ALDH1A3: variants seen among roughly 807,000 people sequenced by gnomAD.
The protein encoded by ALDH1A3 is aldehyde dehydrogenase 1 family member A3.
ALDH1A3 carries 28 observed loss-of-function variants against 57.5 expected under a neutral mutation model. The ratio of observed to expected loss-of-function variants is 0.49; its 90% CI spans 0.36 to 0.67. The LOEUF is 0.67. Among genes scored for constraint, ALDH1A3 ranks in the 30% least tolerant of loss-of-function variants. The pLI is 0.00. For missense variants in ALDH1A3, 507 were observed against 669.4 expected, an observed-to-expected ratio of 0.76 and a Z score of 2.68; for synonymous variants, 281 against 264.8, an observed-to-expected ratio of 1.06 and a Z score of -0.59.
intron 3 of ALDH1A3, among the ~76,000 whole-genome samples, chr15:100,890,398 C>T (rs950364726): frequency 1.3e-5 from 2 of 152,164 alleles, no homozygotes; most frequent in African/African-American, 4.8e-5. Flanking sequence ...TGGACTCACT[C>T]ACCTGCATAA....
intron 9 of ALDH1A3, among the ~76,000 whole-genome samples, chr15:100,901,868 C>T (rs761321338): frequency 6.6e-6 from 1 of 152,174 alleles, no homozygotes; most frequent in Non-Finnish European, 1.5e-5. Flanking sequence ...TCAGTGCCCA[C>T]CCTCCACTGG....
In ALDH1A3 at chr15:100,893,377, GC is replaced by G. The variant is rs1306775705; in HGVS notation, c.537+372del. The G allele has an allele frequency of 5.2e-6, 1 of 192,172 alleles. No homozygotes were observed. Among genetic ancestry groups the G allele is most frequent in the Non-Finnish European group, 1.1e-5 (1 of 94,234 alleles). 11.9% of individuals were successfully genotyped at this position (192,172 alleles called of 1,614,324 possible). On this transcript the variant is annotated intron_variant, in intron 5 of 12. Coordinates refer to ENST00000329841, the MANE Select transcript of ALDH1A3 (RefSeq NM_000693.4). The surrounding 1 kb of genome is among the most constrained non-coding windows in gnomAD (Gnocchi z 4.8). ...TAGGCAAAAGTGCAGAGGTGGCTGG[GC>G]TACTTGGAAGGGAACAGCAGGAAAG...
At chr15:100,910,968 C>A (rs949747536) in intron 12 of ALDH1A3, among the ~76,000 whole-genome samples, 1 of 152,230 alleles carries the variant, frequency 6.6e-6, no homozygotes, top group African/African-American at 2.4e-5. Flanking sequence ...CTCCTTAACA[C>A]CCCCTCGCCT....
intron 4 of ALDH1A3, 38 bp from the exon 5 acceptor site, chr15:100,892,907 G>C: frequency 6.2e-7 from 1 of 1,606,670 alleles, no homozygotes; most frequent in Non-Finnish European, 8.5e-7. Context: ...CCTGGACTAA[G>C]TGAGTGTGTC....
intron 11 of ALDH1A3, 127 bp downstream of exon 11, chr15:100,907,405 T>C (rs1375122742): frequency 2.7e-5 from 30 of 1,103,126 alleles, no homozygotes; most frequent in Non-Finnish European, 3.5e-5. Context: ...GTCTCAGTGC[T>C]TCCTTCCATC....
At chr15:100,896,847 A>G (rs1011643052) in intron 7 of ALDH1A3, among the ~76,000 whole-genome samples, 14 of 152,220 alleles carry the variant, frequency 9.2e-5, no homozygotes, top group African/African-American at 3.4e-4. Flanking sequence ...AAAACAGCAA[A>G]CGGTAGAAAA....
Position 100,893,089 on chromosome 15 carries a change from G to C in ALDH1A3, c.537+83G>C. On this transcript the variant is annotated intron_variant, in intron 5 of 12. Coordinates refer to ENST00000329841, the MANE Select transcript of ALDH1A3 (RefSeq NM_000693.4). This position sits in a 1 kb window ranked among gnomAD's most constrained non-coding sequence, Gnocchi z 4.8. ...GTCCTTTGGAATCAATTTCTGGTGTGTTTTTATCTGATTGCACCAGCGTTG... is the reference window on the plus strand; with the variant it reads ...GTCCTTTGGAATCAATTTCTGGTGTCTTTTTATCTGATTGCACCAGCGTTG... The C allele has an allele frequency of 7.8e-7, 1 of 1,286,874 alleles. No homozygotes were observed. Among genetic ancestry groups the C allele is most frequent in the Non-Finnish European group, 1.1e-6 (1 of 914,712 alleles). The allele number at this position is 1,286,874 out of a possible 1,614,324, so 79.7% of individuals were successfully genotyped here. A position where few individuals can be genotyped will look rare whatever the true frequency, so the allele number is the denominator to read the frequency against.
At chr15:100,908,537 A>G (rs1329839120) in intron 12 of ALDH1A3, 55 bp downstream of exon 12, 33 of 1,487,450 alleles carry the variant, frequency 2.2e-5, no homozygotes, top group Non-Finnish European at 2.4e-5. Context: ...GATCCACTAG[A>G]TTTGCAGGCA....
At chr15:100,885,116 C>G (rs934359730) in intron 1 of ALDH1A3, 151 bp from the exon 2 acceptor site, 1 of 611,038 alleles carries the variant, frequency 1.6e-6, no homozygotes. Context: ...TGTTCCCCTC[C>G]GGGTCTCATC....
At chr15:100,907,036 CAT>C (rs2041829279) in intron 10 of ALDH1A3, 83 bp from the exon 11 acceptor site, 1 of 1,474,634 alleles carries the variant, frequency 6.8e-7, no homozygotes. Context: ...ATATGAAAAA[CAT>C]GTAAAGAGAA....
Position 100,894,362 on chromosome 15 carries a change from T to C in ALDH1A3, c.666+280T>C, listed in dbSNP as rs2041679618. ...GACCCAGTGGTTTGTCTAGAGAATT[T>C]TCAGGGGGGGTCAACCAAGAGGGAG... On this transcript the variant is annotated intron_variant, in intron 6 of 12. Transcript: ENST00000329841. This position sits in a 1 kb window ranked among gnomAD's most constrained non-coding sequence, Gnocchi z 4.5. The C allele has an allele frequency of 3.6e-6, 1 of 279,868 alleles. No homozygotes were observed. Among genetic ancestry groups the C allele is most frequent in the African/African-American group, 2.2e-5 (1 of 46,150 alleles). The allele number at this position is 279,868 out of a possible 1,614,324, so 17.3% of individuals were successfully genotyped here.
intron 3 of ALDH1A3, among the ~76,000 whole-genome samples, chr15:100,891,577 G>A (rs2041650486): frequency 6.6e-6 from 1 of 152,266 alleles, no homozygotes; most frequent in Non-Finnish European, 1.5e-5. Context: ...ATGCAGTCAT[G>A]GAGCTCAAAG....
rs550630602 is a variant in ALDH1A3 at position 100,915,191 on chromosome 15, C to A, written c.*418C>A. The A allele has an allele frequency of 5.4e-6, 1 of 185,500 alleles. No homozygotes were observed. The highest frequency in any genetic ancestry group is 1.1e-5 in the Non-Finnish European group (1 of 87,032). The allele number at this position is 185,500 out of a possible 1,614,324, so 11.5% of individuals were successfully genotyped here. On this transcript the variant is annotated 3_prime_UTR_variant, in exon 13 of 13. Transcript: ENST00000329841. ...CAAGCAGGGCTCTTGCACCAGCGGT[C>A]TCCTCAGGGTGGACCTGCTTACAGA...
In ALDH1A3 at chr15:100,896,012, A is replaced by G. The variant is rs542329656; in HGVS notation, c.746A>G (p.Gln249Arg). The G allele has an allele frequency of 3.1e-6, 5 of 1,612,848 alleles. No homozygotes were observed. The highest frequency in any genetic ancestry group is 1.3e-5 in the African/African-American group (1 of 75,026). ...GGAGCAGCAATTTCTTCTCACCCTC[A>G]GATCAACAAGATCGCCTTCACCGGC... ...TVGAAISSHP[Q>R]INKIAFTGST... Residue 249 changes from glutamine (Q) to arginine (R), a missense_variant, in exon 7 of 13, where the codon CAG becomes CGG. Gln to Arg is a conservative substitution (Grantham distance 43, BLOSUM62 1). This residue lies in a region of ALDH1A3 where 432 missense variants were observed against 608.4 expected (regional missense o/e 0.71). Coordinates refer to ENST00000329841, the MANE Select transcript of ALDH1A3 (RefSeq NM_000693.4).
At chr15:100,905,449 G>A (rs2041812708) in intron 9 of ALDH1A3, 74 bp from the exon 10 acceptor site, 12 of 1,573,576 alleles carry the variant, frequency 7.6e-6, no homozygotes, top group East Asian at 4.5e-5. Context: ...TCATGTTGAA[G>A]GCCACTGAAA....
In ALDH1A3 at chr15:100,894,367, G is replaced by A. The variant is rs940678474; in HGVS notation, c.666+285G>A. On this transcript the variant is annotated intron_variant, in intron 6 of 12. Coordinates refer to ENST00000329841, the MANE Select transcript of ALDH1A3 (RefSeq NM_000693.4). This position sits in a 1 kb window ranked among gnomAD's most constrained non-coding sequence, Gnocchi z 4.5. ...AGTGGTTTGTCTAGAGAATTTTCAG[G>A]GGGGGTCAACCAAGAGGGAGCCAAA... is the stretch of plus-strand genomic sequence containing the variant. The A allele has an allele frequency of 2.6e-5, 7 of 273,738 alleles. No individual in the cohort carries two copies. Among genetic ancestry groups the A allele is most frequent in the African/African-American group, 6.5e-5 (3 of 46,082 alleles). The allele number at this position is 273,738 out of a possible 1,614,324, so 17.0% of individuals were successfully genotyped here.
At chr15:100,908,381 T>G in intron 11 of ALDH1A3, 27 bp from the exon 12 acceptor site, 1 of 1,601,912 alleles carries the variant, frequency 6.2e-7, no homozygotes, top group African/African-American at 1.3e-5. Context: ...TCCAGATGAC[T>G]CTGAGCTTTC....
chr15:100,895,765 T>C (rs1482656871), intron 6 of ALDH1A3, 168 bp from the exon 7 acceptor site: 1 of 624,166 alleles, frequency 1.6e-6, no homozygotes, highest in Non-Finnish European at 2.9e-6. Context: ...GAAGCCCAGG[T>C]CAGCTCCCAG....
At chr15:100,896,090 T>G (rs1209066927) in intron 7 of ALDH1A3, 44 bp downstream of exon 7, 1 of 1,440,412 alleles carries the variant, frequency 6.9e-7, no homozygotes, top group African/African-American at 1.4e-5. Flanking sequence ...AAGGGGCGTG[T>G]TATTTGACAC....
Sources: gnomAD v4.1 joint callset for allele counts (sites outside exome capture counted in the v4.1 genomes callset) on GRCh38, gnomAD v4.1.1 for gene constraint, gnomAD v4.1.1 regional missense constraint, Gnocchi (gnomAD v3.1) non-coding constraint, MANE v1.5 for transcripts, NCBI Gene and HGNC (gene_info 2026-07-23, HGNC 2026-07-21) for gene names.